MARF1: variants seen among roughly 807,000 people sequenced by gnomAD.
The protein encoded by MARF1 is meiosis regulator and mRNA stability factor 1, also known as limkain-b1.
In MARF1, 24 loss-of-function variants were observed where a neutral mutation model predicts 168.2. The ratio of observed to expected loss-of-function variants is 0.14; its 90% CI spans 0.10 to 0.20. The LOEUF (loss-of-function observed/expected upper bound fraction) is 0.20. Among genes scored for constraint, MARF1 ranks in the 10% least tolerant of loss-of-function variants. The pLI is 1.00. For missense variants in MARF1, 1,744 were observed against 2,143.6 expected (o/e 0.81, Z 3.68); for synonymous variants, 868 against 822.4 (o/e 1.06, Z -0.95).
chr16:15,604,388 A>C lies in MARF1; in HGVS notation c.4193T>G (p.Ile1398Arg). 1 of 1,613,098 alleles carries C rather than the reference A, an allele frequency of 6.2e-7. No individual in the cohort carries two copies. Among genetic ancestry groups the C allele is most frequent in the Non-Finnish European group, 8.5e-7 (1 of 1,179,012 alleles). ...KLCHVVKVADIESGRQIQLIN... is the reference protein window; with the variant it reads ...KLCHVVKVADRESGRQIQLIN... ...CAGCTGAATCTGTCTGCCAGATTCT[A>C]TATCGGCAACCTGGGGAAAACGAGA... The change falls in exon 22 of 27, where the codon ATA (isoleucine) becomes AGA (arginine). Residue 1398 changes from isoleucine to arginine, a missense_variant. By Grantham distance (97) the Ile-to-Arg change is moderately conservative. This residue lies in a region of MARF1 where 74 missense variants were observed against 66.7 expected (regional missense o/e 1.11). Coordinates refer to ENST00000396368, the MANE Select transcript of MARF1 (RefSeq NM_014647.4).
chr16:15,625,203 A>C (rs1463997679), intron 8 of MARF1, 30 bp from the exon 9 acceptor site: 11 of 1,606,230 alleles, frequency 6.8e-6, no homozygotes, highest in Non-Finnish European at 9.4e-6. Flanking sequence ...GTGGGGTTTA[A>C]ATTTTAAGTA....
intron 10 of MARF1, among the ~76,000 whole-genome samples, chr16:15,624,529 C>G (rs571862721): frequency 2.6e-5 from 4 of 152,330 alleles, no homozygotes; most frequent in South Asian, 4.1e-4. Context: ...GACTCTCCAA[C>G]AGGCTTCTCT....
chr16:15,638,585 CAA>C (rs71134443), intron 2 of MARF1, among the ~76,000 whole-genome samples: 2 of 128,866 alleles, frequency 1.6e-5, no homozygotes, highest in Admixed American at 7.8e-5. Context: ...GACTGCACCT[CAA>C]AAAAAAAAAA....
In MARF1 at chr16:15,617,356, T is replaced by C; in HGVS notation, c.2900A>G (p.Glu967Gly). ...SSTNCSPIIF[E>G]ELEYHEPVCR... is the part of the protein sequence containing the mutation. ...GACAGGCTCGTGATATTCTAACTCT[T>C]CAAATATAATTGGGCTGCAATTCGT... The change falls in exon 14 of 27, where the codon GAA becomes GGA. Residue 967 changes from glutamate (E) to glycine (G), a missense_variant. Glu to Gly is a moderately conservative substitution (Grantham distance 98). Transcript: ENST00000396368. 1 of 1,614,146 alleles carries C rather than the reference T, an allele frequency of 6.2e-7. No homozygotes were observed. Among genetic ancestry groups the C allele is most frequent in the Non-Finnish European group, 8.5e-7 (1 of 1,180,022 alleles).
At chr16:15,608,560 T>C (rs772306566) in intron 20 of MARF1, 42 bp from the exon 21 acceptor site, 2 of 1,460,534 alleles carry the variant, frequency 1.4e-6, no homozygotes, top group Non-Finnish European at 1.9e-6. Flanking sequence ...AATAAACAAA[T>C]CACGGGTGTT....
At chr16:15,604,076 T>G in intron 22 of MARF1, 92 bp downstream of exon 22, 1 of 1,005,744 alleles carries the variant, frequency 9.9e-7, no homozygotes. Context: ...CCCTTCCAGC[T>G]CTACACACTC....
intron 7 of MARF1, among the ~76,000 whole-genome samples, chr16:15,626,072 G>C (rs1282889277): frequency 2.6e-5 from 4 of 152,130 alleles, no homozygotes; most frequent in Admixed American, 1.3e-4. Flanking sequence ...ATTGAGGCTG[G>C]AGTGACTGTG....
At chr16:15,633,150 C>A (rs374812942) in intron 5 of MARF1, among the ~76,000 whole-genome samples, 8 of 145,236 alleles carry the variant, frequency 5.5e-5, no homozygotes, top group Non-Finnish European at 9.0e-5. Flanking sequence ...AATTTTCAAT[C>A]AGAATTCTAA....
intron 17 of MARF1, among the ~76,000 whole-genome samples, chr16:15,612,160 G>A (rs181156429): frequency 2.6e-4 from 40 of 152,324 alleles, no homozygotes; most frequent in Non-Finnish European, 4.9e-4. Flanking sequence ...CTCTAGCCCA[G>A]TAACTTGTCT....
At chr16:15,640,651 G>A (rs1408176427) in intron 1 of MARF1, among the ~76,000 whole-genome samples, 1 of 152,226 alleles carries the variant, frequency 6.6e-6, no homozygotes, top group Non-Finnish European at 1.5e-5. Context: ...AGCTGTGATT[G>A]CACCACTGCA....
At chr16:15,614,176 CTTT>C (rs370536582) in intron 16 of MARF1, among the ~76,000 whole-genome samples, 1 of 149,400 alleles carries the variant, frequency 6.7e-6, no homozygotes, top group Non-Finnish European at 1.5e-5. Flanking sequence ...CCTGAAAGTA[CTTT>C]TTTTTTTAAA....
chr16:15,621,464 G>T (rs2034457750), intron 12 of MARF1: 3 of 445,652 alleles, frequency 6.7e-6, no homozygotes, highest in East Asian at 3.8e-5. Context: ...TATTGTAGGG[G>T]TCTACTATTT....
intron 12 of MARF1, among the ~76,000 whole-genome samples, chr16:15,620,894 A>G (rs892049355): frequency 1.3e-5 from 2 of 152,212 alleles, no homozygotes; most frequent in Non-Finnish European, 2.9e-5. Flanking sequence ...AATACAACAT[A>G]ATCTCAACTA....
Position 15,612,542 on chromosome 16 carries a change from C to T in MARF1, c.3474+15G>A, listed in dbSNP as rs779602241. 50 of 1,604,758 alleles carry T rather than the reference C, an allele frequency of 3.1e-5. No individual in the cohort carries two copies. The highest frequency in any genetic ancestry group is 1.6e-4 in the Middle Eastern group (1 of 6,070). On this transcript the variant is annotated intron_variant, in intron 17 of 26. Coordinates refer to ENST00000396368, the MANE Select transcript of MARF1 (RefSeq NM_014647.4). ...ATTCCTGCCTGTAAACAAGTAATCC[C>T]GTGACACGCCTTACCTGCAATACAT... is the stretch of plus-strand genomic sequence containing the variant.
In MARF1 at chr16:15,630,357, G is replaced by A; in HGVS notation, c.1499C>T (p.Pro500Leu). 7 of 1,603,620 alleles carry A rather than the reference G, an allele frequency of 4.4e-6. No individual in the cohort carries two copies. The highest frequency in any genetic ancestry group is 4.3e-6 in the Non-Finnish European group (5 of 1,173,954). The change falls in exon 7 of 27, where the codon CCC becomes CTC. Residue 500 changes from proline to leucine, a missense_variant. Transcript: ENST00000396368. ...IRFEEFISDL[P>L]PRLPLKMPQC... ...TGGCATTTTTAGTGGTAACCTGGGG[G>A]GCAAGTCGGAAATGAACTCTTCAAA...
rs2033568992 is a variant in MARF1, at chr16:15,611,602, C to T, written c.3607G>A (p.Ala1203Thr). The T allele has an allele frequency of 1.2e-6, 2 of 1,613,752 alleles. No individual in the cohort carries two copies. Among genetic ancestry groups the T allele is most frequent in the Non-Finnish European group, 1.7e-6 (2 of 1,179,834 alleles). Reference sequence around the variant, plus strand: ...TTTTCATCAACTCACCAGTGATAAGCCTGTGAGAATTCTCTCACAATGACC... The same window carrying T: ...TTTTCATCAACTCACCAGTGATAAGTCTGTGAGAATTCTCTCACAATGACC... ...KQVIVREFSQ[A>T]YHWCFSKDWD... Residue 1203 changes from alanine (A) to threonine (T), a missense_variant, in exon 18 of 27, where the codon GCT (alanine) becomes ACT (threonine). Physicochemically the swap from Ala to Thr is moderately conservative, Grantham distance 58. Transcript: ENST00000396368.
intron 23 of MARF1, chr16:15,601,294 C>A (rs773901345): frequency 5.6e-6 from 2 of 358,338 alleles, no homozygotes; most frequent in Non-Finnish European, 1.1e-5. Context: ...CTGGCTCAAT[C>A]CCTCCATCTA....
At chr16:15,604,655 T>C (rs976459288) in intron 21 of MARF1, among the ~76,000 whole-genome samples, 17 of 151,994 alleles carry the variant, frequency 1.1e-4, no homozygotes, top group East Asian at 3.9e-4. Context: ...GGGGAGGAAA[T>C]TGCATCATTC....
chr16:15,625,821 G>A, intron 7 of MARF1, 21 bp from the exon 8 acceptor site: 4 of 1,581,854 alleles, frequency 2.5e-6, no homozygotes, highest in East Asian at 2.2e-5. Context: ...GGAAAGAAGT[G>A]TTACGTCAGG....
Sources: allele counts gnomAD v4.1 joint callset (sites outside exome capture counted in the v4.1 genomes callset), GRCh38; gene constraint gnomAD v4.1.1; regional missense constraint gnomAD v4.1.1; transcripts MANE v1.5; gene names NCBI Gene and HGNC (gene_info 2026-07-23, HGNC 2026-07-21).